FBXL7: variants seen among roughly 807,000 people sequenced by gnomAD.
FBXL7 encodes F-box/LRR-repeat protein 7.
A neutral mutation model predicts 38.3 loss-of-function variants in FBXL7; 12 were observed. The observed-to-expected ratio is 0.31, with a 90% CI of 0.20 to 0.51. FBXL7 has a LOEUF of 0.51. FBXL7 is among the 20% of genes least tolerant of loss of function. The pLI is 0.98. For missense variants in FBXL7, 567 were observed against 676.4 expected, an observed-to-expected ratio of 0.84 and a Z score of 1.79; for synonymous variants, 297 against 300.9, an observed-to-expected ratio of 0.99 and a Z score of 0.13.
At chr5:15,641,667 C>T (rs1431379468) in intron 2 of FBXL7, among the ~76,000 whole-genome samples, 1 of 152,058 alleles carries the variant, frequency 6.6e-6, no homozygotes, top group Non-Finnish European at 1.5e-5. Flanking sequence ...ATTGTCTCTC[C>T]CAGTGTGGGC....
chr5:15,770,047 T>A (rs1736687701), intron 2 of FBXL7, among the ~76,000 whole-genome samples: 1 of 152,214 alleles, frequency 6.6e-6, no homozygotes, highest in African/African-American at 2.4e-5. Context: ...CTTTTGATTA[T>A]AATTTAATGA....
At chr5:15,823,900 T>A (rs1285036525) in intron 2 of FBXL7, among the ~76,000 whole-genome samples, 1 of 152,094 alleles carries the variant, frequency 6.6e-6, no homozygotes, top group Non-Finnish European at 1.5e-5. Context: ...AAATACAGTG[T>A]CCCGAAGTGA....
At chr5:15,602,573 G>A (rs57936708) in intron 1 of FBXL7, among the ~76,000 whole-genome samples, 2 of 152,194 alleles carry the variant, frequency 1.3e-5, no homozygotes, top group African/African-American at 4.8e-5. Context: ...AGACAGGCTT[G>A]ATTGTTTCTA....
intron 2 of FBXL7, among the ~76,000 whole-genome samples, chr5:15,852,753 C>A (rs539944102): frequency 7.2e-5 from 11 of 151,908 alleles, no homozygotes; most frequent in African/African-American, 2.7e-4. Context: ...TGGAACTAAA[C>A]CTGGGTGTTT....
chr5:15,709,595 C>T (rs1323634888), intron 2 of FBXL7, among the ~76,000 whole-genome samples: 2 of 128,846 alleles, frequency 1.6e-5, no homozygotes, highest in Non-Finnish European at 3.4e-5. Context: ...CAGACAGAAT[C>T]AGGCCACTTT....
At chr5:15,867,267 A>C (rs949844719) in intron 2 of FBXL7, among the ~76,000 whole-genome samples, 3 of 152,166 alleles carry the variant, frequency 2.0e-5, no homozygotes, top group African/African-American at 7.2e-5. Flanking sequence ...CTGTTCATCA[A>C]CTTAGTGATT....
At chr5:15,857,322 A>G (rs900730969) in intron 2 of FBXL7, among the ~76,000 whole-genome samples, 2 of 152,062 alleles carry the variant, frequency 1.3e-5, no homozygotes, top group African/African-American at 4.8e-5. Context: ...CTAATTTTAA[A>G]CTCATTTAAT....
intron 2 of FBXL7, among the ~76,000 whole-genome samples, chr5:15,760,161 C>G (rs183408664): frequency 1.3e-5 from 2 of 151,886 alleles, no homozygotes; most frequent in African/African-American, 4.8e-5. Flanking sequence ...CCTCCAGCCC[C>G]CTATTGGGGT....
At chr5:15,684,366 G>T (rs1391107009) in intron 2 of FBXL7, among the ~76,000 whole-genome samples, 1 of 152,190 alleles carries the variant, frequency 6.6e-6, no homozygotes, top group African/African-American at 2.4e-5. Context: ...GGGTATGGGG[G>T]ACACATAGAT....
At chr5:15,698,806 G>A (rs1490514504) in intron 2 of FBXL7, among the ~76,000 whole-genome samples, 4 of 152,176 alleles carry the variant, frequency 2.6e-5, no homozygotes, top group South Asian at 4.2e-4. Flanking sequence ...CTTAAATGAC[G>A]CTTAGTTAAC....
intron 1 of FBXL7, among the ~76,000 whole-genome samples, chr5:15,531,408 T>C (rs916054822): frequency 1.3e-5 from 2 of 152,202 alleles, no homozygotes; most frequent in African/African-American, 4.8e-5. Context: ...TTATGTGTAA[T>C]GTAGGATGAT....
intron 2 of FBXL7, among the ~76,000 whole-genome samples, chr5:15,701,136 T>A (rs761526292): frequency 1.3e-5 from 2 of 152,174 alleles, no homozygotes; most frequent in African/African-American, 2.4e-5. Context: ...AAATTTTCTA[T>A]CGATATTTTT....
At chr5:15,837,602 A>G (rs1270481919) in intron 2 of FBXL7, among the ~76,000 whole-genome samples, 1 of 152,242 alleles carries the variant, frequency 6.6e-6, no homozygotes, top group Non-Finnish European at 1.5e-5. Flanking sequence ...GCCAAATTCT[A>G]GATAGAGCTC....
chr5:15,678,433 G>T (rs1439722289), intron 2 of FBXL7, among the ~76,000 whole-genome samples: 1 of 152,180 alleles, frequency 6.6e-6, no homozygotes, highest in Non-Finnish European at 1.5e-5. Flanking sequence ...AGCATGCCTT[G>T]ATAGTTGAGA....
At chr5:15,685,359 C>T (rs539650843) in intron 2 of FBXL7, among the ~76,000 whole-genome samples, 1 of 152,250 alleles carries the variant, frequency 6.6e-6, no homozygotes, top group South Asian at 2.1e-4. Flanking sequence ...TTGGAAGCAA[C>T]TGCAGTTACT....
intron 1 of FBXL7, among the ~76,000 whole-genome samples, chr5:15,514,865 C>T (rs1214053381): frequency 6.6e-6 from 1 of 152,160 alleles, no homozygotes; most frequent in Non-Finnish European, 1.5e-5. Flanking sequence ...CTAGTTTAGG[C>T]AGGGGTACAA....
chr5:15,514,524 TG>T (rs1279418665), intron 1 of FBXL7, among the ~76,000 whole-genome samples: 8 of 152,286 alleles, frequency 5.3e-5, no homozygotes. Flanking sequence ...ACAAAGAGGT[TG>T]AGGCACAAAG....
At chr5:15,812,455 T>C (rs756329387) in intron 2 of FBXL7, among the ~76,000 whole-genome samples, 2 of 152,094 alleles carry the variant, frequency 1.3e-5, no homozygotes, top group Non-Finnish European at 2.9e-5. Context: ...TGTATACCTA[T>C]GAAACGAACC....
chr5:15,769,576 T>G (rs1358626661), intron 2 of FBXL7, among the ~76,000 whole-genome samples: 1 of 152,228 alleles, frequency 6.6e-6, no homozygotes, highest in African/African-American at 2.4e-5. Flanking sequence ...ATTTTTCAAT[T>G]CAAAATGCAC....
Sources: allele counts gnomAD v4.1 joint callset (sites outside exome capture counted in the v4.1 genomes callset), GRCh38; gene constraint gnomAD v4.1.1; transcripts MANE v1.5; gene names NCBI Gene and HGNC (gene_info 2026-07-23, HGNC 2026-07-21).